MAD1L1: variants seen among roughly 807,000 people sequenced by gnomAD.
The protein encoded by MAD1L1 is mitotic spindle assembly checkpoint protein MAD1.
Under a neutral mutation model 96.9 loss-of-function variants are expected in MAD1L1, and 95 were observed. That is an observed-to-expected ratio of 0.98 (90% CI 0.83 to 1.16). MAD1L1 has a LOEUF of 1.16. Among genes scored for constraint, MAD1L1 ranks in the 50% most tolerant of loss-of-function variants. The pLI, the probability that MAD1L1 is intolerant of heterozygous loss-of-function variation, is 0.00. For missense variants in MAD1L1, 1,007 were observed against 954.4 expected, an observed-to-expected ratio of 1.06 and a Z score of -0.73; for synonymous variants, 473 against 396.6, an observed-to-expected ratio of 1.19 and a Z score of -2.29.
At chr7:2,129,024 G>A (rs1257960317) in intron 11 of MAD1L1, among the ~76,000 whole-genome samples, 2 of 152,224 alleles carry the variant, frequency 1.3e-5, no homozygotes, top group Non-Finnish European at 2.9e-5. Context: ...GACCAACTGG[G>A]CAGAGTGGAG....
intron 17 of MAD1L1, among the ~76,000 whole-genome samples, chr7:1,906,214 G>A (rs1309823547): frequency 6.6e-6 from 1 of 152,184 alleles, no homozygotes; most frequent in African/African-American, 2.4e-5. Flanking sequence ...TGGTGCTTCT[G>A]TAGGGTCCCC....
chr7:2,155,548 G>A lies in MAD1L1; in HGVS notation c.987-6310C>T, dbSNP rs116728691. 5.8e-3 allele frequency among the ~76,000 whole-genome samples: 880 copies of A among 152,278 alleles called. 9 individuals carry two copies. The highest frequency in any genetic ancestry group is 0.02 in the African/African-American group (840 of 41,540). On this transcript the variant is annotated intron_variant, in intron 10 of 18. Coordinates refer to ENST00000265854, the MANE Select transcript of MAD1L1 (RefSeq NM_001013836.2). ...GAATGCGACCACTCCAGCCACATGA[G>A]TGGAGCCATAGAGCATTTCTCTGTG...
chr7:2,160,507 G>A (rs1417242720), intron 10 of MAD1L1, among the ~76,000 whole-genome samples: 2 of 150,492 alleles, frequency 1.3e-5, no homozygotes, highest in African/African-American at 4.9e-5. Context: ...TAATTTTTCT[G>A]TACTTTTAGT....
chr7:2,190,889 A>C (rs1027899018), intron 10 of MAD1L1, among the ~76,000 whole-genome samples: 5 of 152,240 alleles, frequency 3.3e-5, no homozygotes, highest in African/African-American at 1.2e-4. Flanking sequence ...GCCAGGGGAC[A>C]GAATTAGGCA....
At chr7:1,925,920 G>C (rs1789061873) in intron 17 of MAD1L1, among the ~76,000 whole-genome samples, 1 of 151,088 alleles carries the variant, frequency 6.6e-6, no homozygotes, top group Non-Finnish European at 1.5e-5. Flanking sequence ...GCAGAAGGAA[G>C]GAAACACAAA....
chr7:1,971,993 C>T (rs1222058736), intron 15 of MAD1L1, among the ~76,000 whole-genome samples: 2 of 152,226 alleles, frequency 1.3e-5, no homozygotes, highest in African/African-American at 4.8e-5. Context: ...TCCGTGTCCT[C>T]TTTACCCAAT....
At chr7:2,037,230 C>T (rs1244602968) in intron 12 of MAD1L1, among the ~76,000 whole-genome samples, 4 of 140,698 alleles carry the variant, frequency 2.8e-5, no homozygotes, top group African/African-American at 8.0e-5. Context: ...TTTTTTAGAA[C>T]GGGTTTAGAT....
At position 2,014,695 on chromosome 7, in the gene MAD1L1, G is replaced by A. The variant is rs958754414; in HGVS notation, c.1219-53C>T. 15 of 1,546,274 alleles carry A rather than the reference G, an allele frequency of 9.7e-6. No individual in the cohort carries two copies. In the African/African-American group the frequency reaches 1.5e-4, roughly 15 times the overall value. The stretch of plus-strand genomic sequence containing the variant: ...GACCCGGGACGGGGGATGAGGTAAT[G>A]ATGGAGACGGCTCAGGGAAGGCCCC... On this transcript the variant is annotated intron_variant, in intron 12 of 18. Transcript: ENST00000265854.
intron 15 of MAD1L1, among the ~76,000 whole-genome samples, chr7:1,972,884 T>C (rs1264626503): frequency 6.6e-6 from 1 of 152,200 alleles, no homozygotes; most frequent in African/African-American, 2.4e-5. Context: ...GTGTACTTAT[T>C]TGTACCGGGA....
intron 12 of MAD1L1, among the ~76,000 whole-genome samples, chr7:2,039,868 G>A (rs935147884): frequency 1.3e-5 from 2 of 151,864 alleles, no homozygotes; most frequent in African/African-American, 4.8e-5. Flanking sequence ...AATCTTGATG[G>A]AGTCCAACTT....
chr7:1,851,999 G>T (rs1332449285), intron 18 of MAD1L1, among the ~76,000 whole-genome samples: 4 of 152,226 alleles, frequency 2.6e-5, no homozygotes, highest in African/African-American at 9.6e-5. Flanking sequence ...GCGGCAACGA[G>T]AGGGGCTGGG....
At chr7:2,072,718 G>A (rs1313937252) in intron 11 of MAD1L1, among the ~76,000 whole-genome samples, 2 of 152,242 alleles carry the variant, frequency 1.3e-5, no homozygotes, top group African/African-American at 4.8e-5. Flanking sequence ...TGTGACAGGT[G>A]CTGTCTTTCA....
intron 16 of MAD1L1, among the ~76,000 whole-genome samples, chr7:1,950,771 G>A (rs1251260066): frequency 1.3e-5 from 2 of 152,242 alleles, no homozygotes; most frequent in Admixed American, 6.5e-5. Context: ...CATGGGGGGA[G>A]CAGCACACGT....
In MAD1L1 at chr7:2,090,774, C is replaced by T. The variant is rs554477772; in HGVS notation, c.1074-21436G>A. Among the ~76,000 whole-genome samples the T allele has an allele frequency of 9.9e-5, 15 of 152,272 alleles. 1 individual carries two copies. The South Asian group carries it at 3.1e-3, about 32-fold the overall frequency. ...TCCCCATCATCCCTTGGAGCCCGGG[C>T]GGGGCCCTCATCGCTCCGGGAAGGT... On this transcript the variant is annotated intron_variant, in intron 11 of 18. Transcript: ENST00000265854.
chr7:1,927,389 C>G (rs887903696), intron 17 of MAD1L1, among the ~76,000 whole-genome samples: 2 of 152,180 alleles, frequency 1.3e-5, no homozygotes, highest in Admixed American at 1.3e-4. Context: ...GAATGTAAAT[C>G]TTGTCCATAA....
intron 15 of MAD1L1, among the ~76,000 whole-genome samples, chr7:1,976,507 G>A (rs1339327344): frequency 6.6e-6 from 1 of 152,202 alleles, no homozygotes; most frequent in Non-Finnish European, 1.5e-5. Flanking sequence ...CCTTCGTGGT[G>A]AGTGCTACAT....
At chr7:2,214,772 T>G (rs1290786076) in intron 9 of MAD1L1, among the ~76,000 whole-genome samples, 2 of 152,224 alleles carry the variant, frequency 1.3e-5, no homozygotes, top group Non-Finnish European at 2.9e-5. Flanking sequence ...CAGGATGTTT[T>G]CCAGCACTGA....
chr7:1,922,415 A>G (rs1788850286), intron 17 of MAD1L1, among the ~76,000 whole-genome samples: 2 of 152,222 alleles, frequency 1.3e-5, no homozygotes, highest in Non-Finnish European at 2.9e-5. Context: ...CGGTTTCCAC[A>G]TGTGCACTGC....
rs554100122 is a variant in MAD1L1 at position 1,887,567 on chromosome 7, G to A, written c.1998+10633C>T. Among the ~76,000 whole-genome samples the A allele has an allele frequency of 3.8e-3, 579 of 150,980 alleles. 5 individuals carry two copies. Among genetic ancestry groups the A allele is most frequent in the African/African-American group, 0.013 (548 of 40,982 alleles). ...CCTGTGCATGTGTGCAAGCATGCGT[G>A]TATGTGGCTGCCTGTGTGTGTGACC... On this transcript the variant is annotated intron_variant, in intron 18 of 18. Transcript: ENST00000265854.
Sources: gnomAD v4.1 joint callset for allele counts (sites outside exome capture counted in the v4.1 genomes callset) on GRCh38, gnomAD v4.1.1 for gene constraint, MANE v1.5 for transcripts, NCBI Gene and HGNC (gene_info 2026-07-23, HGNC 2026-07-21) for gene names.